CRIP2: variants seen among roughly 807,000 people sequenced by gnomAD.
The protein encoded by CRIP2 is cysteine-rich protein 2.
In CRIP2, 31 loss-of-function variants were observed where a neutral mutation model predicts 31.3. That is an observed-to-expected ratio of 0.99 (90% confidence interval 0.74 to 1.34). CRIP2 has a LOEUF of 1.34. Ranked by LOEUF, CRIP2 falls within the 40% of genes most tolerant of loss-of-function variation. CRIP2 has a pLI of 0.00. For synonymous variants in CRIP2, 177 were observed against 127.2 expected (o/e 1.39, Z -2.63); for missense variants, 389 against 301.6 (o/e 1.29, Z -2.15).
Position 105,479,022 on chromosome 14 carries a change from G to T in CRIP2, c.381G>T (p.Pro127=). The T allele has an allele frequency of 6.3e-7, 1 of 1,582,412 alleles. No homozygotes were observed. Among genetic ancestry groups the T allele is most frequent in the Non-Finnish European group, 8.6e-7 (1 of 1,166,932 alleles). ...TCACCGGGGAGCCCAACACGTGCCC[G>T]CGCTGCAGCAAGAAGGTGTACTTCG... The part of the protein sequence containing the change: ...TTFTGEPNTC[P]RCSKKVYFAE... Residue 127 remains proline (P), a synonymous_variant, in exon 5 of 8, where the codon CCG becomes CCT. Coordinates refer to ENST00000329146, the MANE Select transcript of CRIP2 (RefSeq NM_001312.4).
chr14:105,475,810 G>A (rs1274378608), intron 1 of CRIP2: 19 of 985,192 alleles, frequency 1.9e-5, no homozygotes, highest in Non-Finnish European at 2.2e-5. Context: ...AGGGTGGTAA[G>A]GTCCCTGCCC....
chr14:105,477,434 G>A, intron 1 of CRIP2: 20 of 985,156 alleles, frequency 2.0e-5, no homozygotes, highest in Non-Finnish European at 2.3e-5. Context: ...GACGGGGCCT[G>A]GCCTTCCCAT....
rs781803780 is a variant in CRIP2, at chr14:105,478,456, G to T, written c.145G>T (p.Gly49Trp). ...CCCGCGCCCCTCTGCGCAGCATGAC[G>T]GGAAGCCGTTCTGCCACAAGCCGTG... Reference protein sequence around the residue: ...LTPGGHAEHDGKPFCHKPCYA... With the variant: ...LTPGGHAEHDWKPFCHKPCYA... The change falls in exon 3 of 8, where the codon GGG becomes TGG. Residue 49 changes from glycine (G) to tryptophan (W), a missense_variant. Coordinates refer to ENST00000329146, the MANE Select transcript of CRIP2 (RefSeq NM_001312.4). This position sits in a 1 kb window ranked among gnomAD's most constrained non-coding sequence, Gnocchi z 4.9. 2 of 1,605,826 alleles carry T rather than the reference G, an allele frequency of 1.2e-6. No homozygotes were observed. Among genetic ancestry groups the T allele is most frequent in the Admixed American group, 3.3e-5 (2 of 59,824 alleles).
rs1333323797 is a variant in CRIP2, at chr14:105,474,919, C to G, written c.43+14C>G. The stretch of plus-strand genomic sequence containing the variant: ...CCGTGTACTTCGGTGAGTGCGTGCC[C>G]GCTCCCGGCCCGCTCGGTGCATCCC... On this transcript the variant is annotated intron_variant, in intron 1 of 7. Coordinates refer to ENST00000329146, the MANE Select transcript of CRIP2 (RefSeq NM_001312.4). The surrounding 1 kb of genome is among the most constrained non-coding windows in gnomAD (Gnocchi z 5.1). 2 of 1,507,254 alleles carry G rather than the reference C, an allele frequency of 1.3e-6. No homozygotes were observed. The highest frequency in any genetic ancestry group is 8.9e-7 in the Non-Finnish European group (1 of 1,127,670). 93.4% of individuals were successfully genotyped at this position (1,507,254 alleles called of 1,614,324 possible).
At position 105,478,160 on chromosome 14, in the gene CRIP2, A is replaced by G. The variant is rs2083990556; in HGVS notation, c.44-106A>G. The G allele has an allele frequency of 1.1e-6, 1 of 894,236 alleles. No homozygotes were observed. Among genetic ancestry groups the G allele is most frequent in the African/African-American group, 1.8e-5 (1 of 55,518 alleles). 55.4% of individuals were successfully genotyped at this position (894,236 alleles called of 1,614,324 possible). A position where few individuals can be genotyped will look rare whatever the true frequency, so the allele number is the denominator to read the frequency against. On this transcript the variant is annotated intron_variant, in intron 1 of 7. Coordinates refer to ENST00000329146, the MANE Select transcript of CRIP2 (RefSeq NM_001312.4). The surrounding 1 kb of genome is among the most constrained non-coding windows in gnomAD (Gnocchi z 4.9). ...AGGAAGGCGCCTGGGAGACCTCCTGAAAGTGGGGACCCCCGGAGCGCGTGG... is the reference window on the plus strand; with the variant it reads ...AGGAAGGCGCCTGGGAGACCTCCTGGAAGTGGGGACCCCCGGAGCGCGTGG...
At position 105,478,710 on chromosome 14, in the gene CRIP2, C is replaced by A. The variant is rs1253353846; in HGVS notation, c.197-21C>A. ...CGGCCCCCACCCCACGTACCCCCGC[C>A]CCACGTACCCCCACCCGCAGGCGTG... On this transcript the variant is annotated intron_variant, in intron 3 of 7. Transcript: ENST00000329146. This position sits in a 1 kb window ranked among gnomAD's most constrained non-coding sequence, Gnocchi z 4.9. 2 of 1,436,468 alleles carry A rather than the reference C, an allele frequency of 1.4e-6. No homozygotes were observed. Among genetic ancestry groups the A allele is most frequent in the Non-Finnish European group, 1.8e-6 (2 of 1,099,394 alleles). 89.0% of individuals were successfully genotyped at this position (1,436,468 alleles called of 1,614,324 possible).
At position 105,478,519 on chromosome 14, in the gene CRIP2, C is replaced by G. The variant is rs781856984; in HGVS notation, c.196+12C>G. 8.7e-6 allele frequency: 14 copies of G among 1,606,204 alleles called. No individual in the cohort carries two copies. The highest frequency in any genetic ancestry group is 1.3e-5 in the African/African-American group (1 of 74,798). ...GTTCGGACCCAAAGGTGAGCTCCGG[C>G]TGCCCTCGGCCTGCCCTGGGACCTG... On this transcript the variant is annotated intron_variant, in intron 3 of 7. Coordinates refer to ENST00000329146, the MANE Select transcript of CRIP2 (RefSeq NM_001312.4). This position sits in a 1 kb window ranked among gnomAD's most constrained non-coding sequence, Gnocchi z 4.9.
At position 105,479,074 on chromosome 14, in the gene CRIP2, C is replaced by T. The variant is rs782522338; in HGVS notation, c.406+27C>T. On this transcript the variant is annotated intron_variant, in intron 5 of 7. Transcript: ENST00000329146. ...TGAGTGCGCGCCCGGGCCCCGGACC[C>T]CCGCCCCCGCCCCCGCCCCGGGGCT... The T allele has an allele frequency of 4.5e-6, 7 of 1,565,570 alleles. No individual in the cohort carries two copies. In the African/African-American group the frequency reaches 8.1e-5, roughly 18 times the overall value.
At chr14:105,474,795 C>T (rs1555435365), upstream of CRIP2, 4 of 1,258,104 alleles carry the variant, frequency 3.2e-6, no homozygotes, top group Non-Finnish European at 4.0e-6. This position sits in a 1 kb window ranked among gnomAD's most constrained non-coding sequence, Gnocchi z 5.1. Context: ...GCAGGCGGGG[C>T]TGGGCGCGGG....
Position 105,479,630 on chromosome 14 carries a change from C to A in CRIP2, c.604C>A (p.Pro202Thr). ...GGGCAGCTACATCTATGACCGGGACCCCGAAGGCAAGGTCCAGCCCTAGGC... is the reference window on the plus strand; with the variant it reads ...GGGCAGCTACATCTATGACCGGGACACCGAAGGCAAGGTCCAGCCCTAGGC... ...AVGSYIYDRD[P>T]EGKVQP Residue 202 changes from proline (P) to threonine (T), a missense_variant, in exon 8 of 8, where the codon CCC becomes ACC. Physicochemically the swap from Pro to Thr is conservative, Grantham distance 38. Transcript: ENST00000329146. 1.9e-6 allele frequency: 3 copies of A among 1,612,692 alleles called. No homozygotes were observed. The highest frequency in any genetic ancestry group is 2.5e-6 in the Non-Finnish European group (3 of 1,179,906).
In CRIP2 at chr14:105,474,922, T is replaced by A; in HGVS notation, c.43+17T>A. The A allele has an allele frequency of 6.6e-7, 1 of 1,504,306 alleles. No homozygotes were observed. The highest frequency in any genetic ancestry group is 8.9e-7 in the Non-Finnish European group (1 of 1,126,086). The allele number at this position is 1,504,306 out of a possible 1,614,324, so 93.2% of individuals were successfully genotyped here. A position where few individuals can be genotyped will look rare whatever the true frequency, so the allele number is the denominator to read the frequency against. Reference sequence around the variant, plus strand: ...TGTACTTCGGTGAGTGCGTGCCCGCTCCCGGCCCGCTCGGTGCATCCCGCC... The same window carrying A: ...TGTACTTCGGTGAGTGCGTGCCCGCACCCGGCCCGCTCGGTGCATCCCGCC... On this transcript the variant is annotated intron_variant, in intron 1 of 7. Transcript: ENST00000329146. This position sits in a 1 kb window ranked among gnomAD's most constrained non-coding sequence, Gnocchi z 5.1.
At chr14:105,477,753 G>A (rs1241794126) in intron 1 of CRIP2, among the ~76,000 whole-genome samples, 1 of 88,164 alleles carries the variant, frequency 1.1e-5, no homozygotes, top group Non-Finnish European at 2.5e-5. Context: ...GGGCGTGTGG[G>A]GGAGGCGGGT....
chr14:105,476,828 G>A (rs1555435889), intron 1 of CRIP2: 1 of 936,214 alleles, frequency 1.1e-6, no homozygotes, highest in African/African-American at 1.8e-5. Flanking sequence ...GTGTCCTGGA[G>A]GCTGGCCCTG....
upstream of CRIP2, chr14:105,473,175 C>T (rs1555435102): frequency 5.3e-6 from 8 of 1,512,974 alleles, no homozygotes; most frequent in Non-Finnish European, 6.2e-6. Context: ...TGGGCAAGGC[C>T]CTGCTGTGAG....
At chr14:105,479,101 G>T in intron 5 of CRIP2, 24 bp from the exon 6 acceptor site, 1 of 1,606,742 alleles carries the variant, frequency 6.2e-7, no homozygotes, top group South Asian at 1.1e-5. Flanking sequence ...CCCGGGGCTC[G>T]GCCTCACTCC....
chr14:105,479,774 A>G lies in CRIP2; in HGVS notation c.*121A>G, dbSNP rs1555437024. 1 of 1,138,620 alleles carries G rather than the reference A, an allele frequency of 8.8e-7. No individual in the cohort carries two copies. Among genetic ancestry groups the G allele is most frequent in the African/African-American group, 1.5e-5 (1 of 65,140 alleles). The allele number at this position is 1,138,620 out of a possible 1,614,324, so 70.5% of individuals were successfully genotyped here. On this transcript the variant is annotated 3_prime_UTR_variant, in exon 8 of 8. Coordinates refer to ENST00000329146, the MANE Select transcript of CRIP2 (RefSeq NM_001312.4). ...TCCTGCCTGCAAGCCCAGGGCGAGT[A>G]TTGGAGGAGGGGCAGCCACGGGCAG...
At chr14:105,477,615 A>G (rs1414487829) in intron 1 of CRIP2, 1 of 878,776 alleles carries the variant, frequency 1.1e-6, no homozygotes, top group African/African-American at 4.1e-5. Flanking sequence ...TGTGAGTGTA[A>G]GAGAAGTGTT....
intron 1 of CRIP2, among the ~76,000 whole-genome samples, chr14:105,477,801 TTGTGGGGGGAGGCGGGCG>T (rs2083973414): frequency 1.4e-4 from 2 of 14,118 alleles, no homozygotes; most frequent in African/African-American, 6.4e-4. Context: ...GGAGGCAGAT[TTGTGGGGGGAGGCGGGCG>T]TGTGGGGGAG....
chr14:105,478,010 C>T lies in CRIP2; in HGVS notation c.44-256C>T, dbSNP rs1006144310. Among the ~76,000 whole-genome samples the T allele has an allele frequency of 1.3e-5, 2 of 151,744 alleles. No individual in the cohort carries two copies. Among genetic ancestry groups the T allele is most frequent in the Admixed American group, 6.5e-5 (1 of 15,274 alleles). On this transcript the variant is annotated intron_variant, in intron 1 of 7. Coordinates refer to ENST00000329146, the MANE Select transcript of CRIP2 (RefSeq NM_001312.4). The surrounding 1 kb of genome is among the most constrained non-coding windows in gnomAD (Gnocchi z 4.9). ...GGGACTAACAGGGCAGCCCCGGGCC[C>T]CTTCTCAAAGGCGGCTCTAGCGGGG...
Sources: allele counts gnomAD v4.1 joint callset (sites outside exome capture counted in the v4.1 genomes callset), GRCh38; gene constraint gnomAD v4.1.1; non-coding constraint Gnocchi (gnomAD v3.1); transcripts MANE v1.5; gene names NCBI Gene and HGNC (gene_info 2026-07-23, HGNC 2026-07-21).